ARRB2: variants seen among roughly 807,000 people sequenced by gnomAD.
ARRB2 encodes beta-arrestin-2.
Under a neutral mutation model 53.4 loss-of-function variants are expected in ARRB2, and 21 were observed. The observed-to-expected ratio is 0.39, with a 90% CI of 0.28 to 0.57. ARRB2 has a LOEUF of 0.57. ARRB2 is among the 20% of genes least tolerant of loss of function. The probability of loss-of-function intolerance (pLI) is 0.55; values close to 1 mark genes in which losing one functional copy is unlikely to be tolerated. For synonymous variants in ARRB2, 180 were observed against 212.9 expected (o/e 0.85, Z 1.34); for missense variants, 369 against 527.5 (o/e 0.70, Z 2.94).
At position 4,721,384 on chromosome 17, in the gene ARRB2, A is replaced by G. The variant is rs907769107; in HGVS notation, c.*345A>G. On this transcript the variant is annotated 3_prime_UTR_variant, in exon 15 of 15. Coordinates refer to ENST00000269260, the MANE Select transcript of ARRB2 (RefSeq NM_004313.4). This position sits in a 1 kb window ranked among gnomAD's most constrained non-coding sequence, Gnocchi z 4.2. ...AACTCCTACTCTCAACCTCACACCA[A>G]CACCTCCCATTATCACTCTCTCTGC... is the stretch of plus-strand genomic sequence containing the variant. 15 of 424,028 alleles carry G rather than the reference A, an allele frequency of 3.5e-5. No homozygotes were observed. The highest frequency in any genetic ancestry group is 2.0e-4 in the African/African-American group (10 of 49,054). The allele number at this position is 424,028 out of a possible 1,614,324, so 26.3% of individuals were successfully genotyped here. A position where few individuals can be genotyped will look rare whatever the true frequency, so the allele number is the denominator to read the frequency against.
At chr17:4,715,665 T>G in intron 2 of ARRB2, 1 of 420,362 alleles carries the variant, frequency 2.4e-6, no homozygotes, top group Non-Finnish European at 4.3e-6. Flanking sequence ...ACATACATGT[T>G]CACACACACA....
chr17:4,719,237 C>T lies in ARRB2; in HGVS notation c.780-46C>T, dbSNP rs376770199. The T allele has an allele frequency of 1.3e-4, 201 of 1,585,258 alleles. 1 individual carries two copies. Among genetic ancestry groups the T allele is most frequent in the Non-Finnish European group, 7.1e-5 (83 of 1,162,870 alleles). ...TGGGGGTCATAGGCCGCCCCTTGCC[C>T]AGCCCAGCGCCCCTAAGCATCTTGT... is the stretch of plus-strand genomic sequence containing the variant. On this transcript the variant is annotated intron_variant, in intron 10 of 14. Transcript: ENST00000269260.
intron 14 of ARRB2, 150 bp from the exon 15 acceptor site, chr17:4,720,796 T>C: frequency 9.6e-7 from 1 of 1,045,066 alleles, no homozygotes; most frequent in Non-Finnish European, 1.4e-6. Flanking sequence ...TCTTGCTGCC[T>C]TTTCTTTGTC....
rs1201973972 is a variant in ARRB2 at position 4,715,083 on chromosome 17, G to A, written c.54+40G>A. On this transcript the variant is annotated intron_variant, in intron 2 of 14. Coordinates refer to ENST00000269260, the MANE Select transcript of ARRB2 (RefSeq NM_004313.4). ...CACTTACCCTTTTGACCCTCCCTGG[G>A]CCCCAACAAAGCCCAGCCTTCCCCT... 1.9e-6 allele frequency: 3 copies of A among 1,594,086 alleles called. No homozygotes were observed. The East Asian group carries it at 6.8e-5, about 36-fold the overall frequency.
At chr17:4,716,713 C>G in intron 5 of ARRB2, 105 bp downstream of exon 5, 2 of 1,470,138 alleles carry the variant, frequency 1.4e-6, no homozygotes, top group South Asian at 2.7e-5. Flanking sequence ...AACAGTGAGG[C>G]AGGGACCCTA....
rs1396486713 is a variant in ARRB2 at position 4,717,830 on chromosome 17, G to A, written c.486-58G>A. Reference sequence around the variant, plus strand: ...CCAGGAGCCCAGGCCCCGTGCGGGGGAGGAGTAGGGTTGGGGTGTGTGAGG... The same window carrying A: ...CCAGGAGCCCAGGCCCCGTGCGGGGAAGGAGTAGGGTTGGGGTGTGTGAGG... On this transcript the variant is annotated intron_variant, in intron 7 of 14. Coordinates refer to ENST00000269260, the MANE Select transcript of ARRB2 (RefSeq NM_004313.4). This position sits in a 1 kb window ranked among gnomAD's most constrained non-coding sequence, Gnocchi z 6.0. 4 of 1,612,306 alleles carry A rather than the reference G, an allele frequency of 2.5e-6. No individual in the cohort carries two copies. The highest frequency in any genetic ancestry group is 3.4e-6 in the Non-Finnish European group (4 of 1,179,258).
At chr17:4,713,864 T>C (rs1271020044) in intron 1 of ARRB2, among the ~76,000 whole-genome samples, 4 of 151,036 alleles carry the variant, frequency 2.6e-5, no homozygotes, top group African/African-American at 9.7e-5. Flanking sequence ...CTCAGGAGGC[T>C]GAAGCAGGAG....
In ARRB2 at chr17:4,714,597, C is replaced by T. The variant is rs1914755144; in HGVS notation, c.24-416C>T. On this transcript the variant is annotated intron_variant, in intron 1 of 14. Coordinates refer to ENST00000269260, the MANE Select transcript of ARRB2 (RefSeq NM_004313.4). ...GCCACCACGTTAGAAATAGGAAGGA[C>T]CTTCCGGGAAGAAGGGTTCCCCTTG... The T allele has an allele frequency of 1.3e-5, 3 of 222,964 alleles. No homozygotes were observed. In the South Asian group the frequency reaches 2.9e-4, roughly 22 times the overall value. 13.8% of individuals were successfully genotyped at this position (222,964 alleles called of 1,614,324 possible). A position where few individuals can be genotyped will look rare whatever the true frequency, so the allele number is the denominator to read the frequency against.
intron 9 of ARRB2, 73 bp from the exon 10 acceptor site, chr17:4,718,539 C>G: frequency 1.3e-6 from 2 of 1,501,826 alleles, no homozygotes. Context: ...GGCCACGCCA[C>G]GGGGTCTGGA....
rs561991910 is a variant in ARRB2, at chr17:4,718,732, G to A, written c.779+48G>A. On this transcript the variant is annotated intron_variant, in intron 10 of 14. Transcript: ENST00000269260. ...GTTCCAATCTAGGGGAGAAGAGCAGGATCAGGAGAATGTGAGGTGGAGGAA... is the reference window on the plus strand; with the variant it reads ...GTTCCAATCTAGGGGAGAAGAGCAGAATCAGGAGAATGTGAGGTGGAGGAA... 2.8e-5 allele frequency: 44 copies of A among 1,553,176 alleles called. No individual in the cohort carries two copies. The South Asian group carries it at 4.8e-4, about 17-fold the overall frequency.
chr17:4,715,133 A>G, intron 2 of ARRB2, 90 bp downstream of exon 2: 1 of 1,442,364 alleles, frequency 6.9e-7, no homozygotes, highest in Non-Finnish European at 9.5e-7. Flanking sequence ...CTACCCAAAG[A>G]TGATCCCCAA....
chr17:4,715,311 G>A (rs1044769456), intron 2 of ARRB2: 2 of 493,650 alleles, frequency 4.1e-6, no homozygotes, highest in Non-Finnish European at 7.2e-6. Context: ...CCATGTGCCT[G>A]TAGCCCTCCT....
At position 4,718,771 on chromosome 17, in the gene ARRB2, G is replaced by A. The variant is rs2150599520; in HGVS notation, c.779+87G>A. On this transcript the variant is annotated intron_variant, in intron 10 of 14. Coordinates refer to ENST00000269260, the MANE Select transcript of ARRB2 (RefSeq NM_004313.4). Reference sequence around the variant, plus strand: ...GAGGTGGAGGAAGAATTCTTCCTGAGCCATCTCCACCTTTTTTTTTTTTTT... The same window carrying A: ...GAGGTGGAGGAAGAATTCTTCCTGAACCATCTCCACCTTTTTTTTTTTTTT... 8 of 1,186,418 alleles carry A rather than the reference G, an allele frequency of 6.7e-6. No homozygotes were observed. The South Asian group carries it at 1.2e-4, about 17-fold the overall frequency. 73.5% of individuals were successfully genotyped at this position (1,186,418 alleles called of 1,614,324 possible). A position where few individuals can be genotyped will look rare whatever the true frequency, so the allele number is the denominator to read the frequency against.
Position 4,718,685 on chromosome 17 carries a change from G to A in ARRB2, c.779+1G>A. 1 of 1,613,172 alleles carries A rather than the reference G, an allele frequency of 6.2e-7. No individual in the cohort carries two copies. Among genetic ancestry groups the A allele is most frequent in the Non-Finnish European group, 8.5e-7 (1 of 1,179,618 alleles). ...GTCCTGTGGCTCAACTCGAACAAGA[G>A]TGAGTATCGGGAGAGACCCATGTTC... On this transcript the variant is annotated splice_donor_variant, in intron 10 of 14. Transcript: ENST00000269260. LOFTEE classifies it high-confidence loss of function.
At chr17:4,713,630 C>T (rs948899842) in intron 1 of ARRB2, among the ~76,000 whole-genome samples, 1 of 146,102 alleles carries the variant, frequency 6.8e-6, no homozygotes, top group African/African-American at 2.5e-5. Flanking sequence ...GACTCCGTTT[C>T]AAAAAAAAAA....
Position 4,717,996 on chromosome 17 carries a change from G to A in ARRB2, c.594G>A (p.Leu198=). The A allele has an allele frequency of 1.2e-6, 2 of 1,613,562 alleles. No homozygotes were observed. Among genetic ancestry groups the A allele is most frequent in the Non-Finnish European group, 8.5e-7 (1 of 1,180,018 alleles). Reference sequence around the variant, plus strand: ...ACTTCCTCATGTCTGACCGGTCCCTGCACCTCGAGGCTTCCCTGGACAAGG... The same window carrying A: ...ACTTCCTCATGTCTGACCGGTCCCTACACCTCGAGGCTTCCCTGGACAAGG... ...TRHFLMSDRS[L]HLEASLDKEL... Residue 198 remains leucine (L), a synonymous_variant, in exon 8 of 15, where the codon CTG becomes CTA. Coordinates refer to ENST00000269260, the MANE Select transcript of ARRB2 (RefSeq NM_004313.4). The surrounding 1 kb of genome is among the most constrained non-coding windows in gnomAD (Gnocchi z 6.0).
intron 1 of ARRB2, among the ~76,000 whole-genome samples, chr17:4,712,233 T>C (rs995529107): frequency 6.6e-6 from 1 of 152,234 alleles, no homozygotes; most frequent in African/African-American, 2.4e-5. Context: ...GATAGGGTGT[T>C]TATTCTAGCG....
At position 4,718,045 on chromosome 17, in the gene ARRB2, C is replaced by G. The variant is rs36056585; in HGVS notation, c.621+22C>G. 8 of 1,611,798 alleles carry G rather than the reference C, an allele frequency of 5.0e-6. No individual in the cohort carries two copies. In the South Asian group the frequency reaches 7.7e-5, roughly 15 times the overall value. On this transcript the variant is annotated intron_variant, in intron 8 of 14. Transcript: ENST00000269260. ...GGAGGTGGGGCGTGAGAGGGTGACA[C>G]GGATGCCACGGTGCAGTTTAGACCC...
chr17:4,717,208 C>T lies in ARRB2; in HGVS notation c.358-9C>T. The T allele has an allele frequency of 6.2e-7, 1 of 1,613,952 alleles. No individual in the cohort carries two copies. The highest frequency in any genetic ancestry group is 1.1e-5 in the South Asian group (1 of 91,084). On this transcript the variant is annotated splice_polypyrimidine_tract_variant and intron_variant, in intron 5 of 14. Coordinates refer to ENST00000269260, the MANE Select transcript of ARRB2 (RefSeq NM_004313.4). This position sits in a 1 kb window ranked among gnomAD's most constrained non-coding sequence, Gnocchi z 6.0. ...GAAGAACTGAAGTCTTCTCCTTCCT[C>T]CGCCACAGATACCCCAGAATCTTCC...
Sources: allele counts gnomAD v4.1 joint callset (sites outside exome capture counted in the v4.1 genomes callset), GRCh38; gene constraint gnomAD v4.1.1; non-coding constraint Gnocchi (gnomAD v3.1); transcripts MANE v1.5; gene names NCBI Gene and HGNC (gene_info 2026-07-23, HGNC 2026-07-21).